The following SEL1L3 variants were observed in gnomAD, a reference collection of about 807,000 sequenced individuals.
SEL1L3 encodes protein sel-1 homolog 3.
In SEL1L3, 76 loss-of-function variants were observed where a neutral mutation model predicts 142.8. That is an observed-to-expected ratio of 0.53 (90% CI 0.44 to 0.64). The LOEUF (loss-of-function observed/expected upper bound fraction) is 0.64, where lower values mean the gene tolerates loss of function less well. SEL1L3 is among the 30% of genes least tolerant of loss of function. The probability of loss-of-function intolerance (pLI) is 0.00; values close to 1 mark genes in which losing one functional copy is unlikely to be tolerated. For synonymous variants in SEL1L3, 504 were observed against 519.6 expected (o/e 0.97, Z 0.41); for missense variants, 1,262 against 1,381.7 (o/e 0.91, Z 1.37).
At chr4:25,849,287 T>C (rs1417998668) in intron 1 of SEL1L3, among the ~76,000 whole-genome samples, 1 of 152,144 alleles carries the variant, frequency 6.6e-6, no homozygotes, top group Non-Finnish European at 1.5e-5. Context: ...CAAGGGTCCA[T>C]CCATGGATGA....
intron 2 of SEL1L3, among the ~76,000 whole-genome samples, chr4:25,842,098 T>A (rs1328779012): frequency 6.6e-6 from 1 of 152,152 alleles, no homozygotes; most frequent in Non-Finnish European, 1.5e-5. Context: ...TCTTTAAGCC[T>A]CCACACTCAG....
chr4:25,829,134 G>A (rs1173979454), intron 6 of SEL1L3, among the ~76,000 whole-genome samples: 1 of 152,114 alleles, frequency 6.6e-6, no homozygotes, highest in African/African-American at 2.4e-5. Flanking sequence ...CACCACGCTA[G>A]GCTTATTTTT....
chr4:25,769,725 G>A (rs1250768831), intron 17 of SEL1L3, among the ~76,000 whole-genome samples: 5 of 152,200 alleles, frequency 3.3e-5, no homozygotes, highest in South Asian at 2.1e-4. Context: ...GGATTGATGA[G>A]GAAAGGAGAC....
chr4:25,736,608 A>G, the SEL1L3 span, among the ~76,000 whole-genome samples: 1 of 152,176 alleles, frequency 6.6e-6, no homozygotes. Flanking sequence ...TGTAACCTTG[A>G]AAAGAAAGTG....
intron 10 of SEL1L3, among the ~76,000 whole-genome samples, chr4:25,803,903 C>T (rs1713367913): frequency 1.3e-5 from 2 of 151,950 alleles, no homozygotes; most frequent in South Asian, 4.2e-4. Flanking sequence ...CTTTCCTGGC[C>T]CTCAGCTTGC....
chr4:25,853,045 T>C (rs1717008659), intron 1 of SEL1L3, among the ~76,000 whole-genome samples: 1 of 152,260 alleles, frequency 6.6e-6, no homozygotes, highest in African/African-American at 2.4e-5. Flanking sequence ...GTTTCAGTTT[T>C]GTTTGATGGT....
chr4:25,781,760 T>C (rs572574149), intron 15 of SEL1L3, among the ~76,000 whole-genome samples: 2 of 152,174 alleles, frequency 1.3e-5, no homozygotes, highest in African/African-American at 2.4e-5. Flanking sequence ...AGAGGGCACA[T>C]GGTAGGGTGT....
chr4:25,814,026 C>A (rs1387073974), intron 9 of SEL1L3, among the ~76,000 whole-genome samples: 1 of 152,178 alleles, frequency 6.6e-6, no homozygotes, highest in Non-Finnish European at 1.5e-5. Flanking sequence ...GCTTTCAGGT[C>A]TGAAACGTGC....
At chr4:25,861,111 C>A (rs550262566) in intron 1 of SEL1L3, among the ~76,000 whole-genome samples, 3 of 152,182 alleles carry the variant, frequency 2.0e-5, no homozygotes, top group Non-Finnish European at 4.4e-5. Context: ...GAATGTTTCA[C>A]GCAACACTCT....
At chr4:25,750,148 T>G (rs1717493034) in intron 23 of SEL1L3, among the ~76,000 whole-genome samples, 1 of 150,884 alleles carries the variant, frequency 6.6e-6, no homozygotes, top group Non-Finnish European at 1.5e-5. Context: ...GCCGGAGAAT[T>G]GCTTGAACCT....
At chr4:25,717,652 C>T in the SEL1L3 span, among the ~76,000 whole-genome samples, 15 of 152,158 alleles carry the variant, frequency 9.9e-5, 1 homozygote, top group Middle Eastern at 6.8e-3. Flanking sequence ...GGCGACAGAG[C>T]GAGACTCTGT....
chr4:25,841,522 G>A (rs1396591209), intron 2 of SEL1L3, among the ~76,000 whole-genome samples: 5 of 152,214 alleles, frequency 3.3e-5, no homozygotes, highest in Non-Finnish European at 5.9e-5. Context: ...TAATGAATAA[G>A]TGTGGGGTTT....
intron 15 of SEL1L3, among the ~76,000 whole-genome samples, chr4:25,779,894 G>T (rs1307750457): frequency 6.6e-6 from 1 of 152,096 alleles, no homozygotes; most frequent in Non-Finnish European, 1.5e-5. Context: ...TGGGCATGTT[G>T]GTTAATCTCT....
chr4:25,799,077 TTTG>T (rs148148761), intron 11 of SEL1L3, among the ~76,000 whole-genome samples: 1,533 of 152,098 alleles, frequency 0.01, 30 homozygotes, highest in African/African-American at 0.035. Flanking sequence ...TCCTACTCTG[TTTG>T]TTGTTGTTGT....
intron 12 of SEL1L3, 36 bp downstream of exon 12, chr4:25,790,419 T>TGACAGAATCCCCAA: frequency 1.2e-6 from 2 of 1,610,254 alleles, no homozygotes; most frequent in Non-Finnish European, 1.7e-6. Context: ...CTATCATGGC[T>TGACAGAATCCCCAA]GACAGAATCC....
chr4:25,733,609 C>T, the SEL1L3 span, among the ~76,000 whole-genome samples: 1 of 151,208 alleles, frequency 6.6e-6, no homozygotes, highest in African/African-American at 2.4e-5. Context: ...CAACCTCTGC[C>T]TCCCAGATTC....
chr4:25,796,853 C>T (rs1377444059), intron 11 of SEL1L3, among the ~76,000 whole-genome samples: 1 of 143,578 alleles, frequency 7.0e-6, no homozygotes, highest in Non-Finnish European at 1.5e-5. Flanking sequence ...CTAAGTCCAA[C>T]AGAGCATAAA....
chr4:25,800,409 A>G (rs908534048), intron 11 of SEL1L3, among the ~76,000 whole-genome samples: 2 of 152,220 alleles, frequency 1.3e-5, no homozygotes. Context: ...TGCAAGACGG[A>G]TCTTTTCTAT....
At chr4:25,768,179 AC>A (rs1294992943) in intron 17 of SEL1L3, among the ~76,000 whole-genome samples, 1 of 152,104 alleles carries the variant, frequency 6.6e-6, no homozygotes, top group African/African-American at 2.4e-5. Context: ...GTTAAGAAAA[AC>A]CCCTGTGCTT....
Sources: gnomAD v4.1 joint callset for allele counts (sites outside exome capture counted in the v4.1 genomes callset) on GRCh38, gnomAD v4.1.1 for gene constraint, MANE v1.5 for transcripts, NCBI Gene and HGNC (gene_info 2026-07-23, HGNC 2026-07-21) for gene names.